MYO9B: variants seen among roughly 807,000 people sequenced by gnomAD.
MYO9B encodes the protein unconventional myosin-IXb.
In MYO9B, 71 loss-of-function variants were observed where a neutral mutation model predicts 229.5. The ratio of observed to expected loss-of-function variants is 0.31; its 90% CI spans 0.26 to 0.38. The LOEUF is 0.38. Among genes scored for constraint, MYO9B ranks in the 10% least tolerant of loss-of-function variants. The probability of loss-of-function intolerance (pLI) is 1.00; values close to 1 mark genes in which losing one functional copy is unlikely to be tolerated. For missense variants in MYO9B, 2,255 were observed against 2,920.5 expected, an observed-to-expected ratio of 0.77 and a Z score of 5.25; for synonymous variants, 1,185 against 1,235.8, an observed-to-expected ratio of 0.96 and a Z score of 0.86.
At chr19:17,131,759 T>G (rs2072199095) in intron 2 of MYO9B, among the ~76,000 whole-genome samples, 1 of 152,216 alleles carries the variant, frequency 6.6e-6, no homozygotes, top group African/African-American at 2.4e-5. Context: ...GAGGCAAGAC[T>G]GCCTCTACGT....
chr19:17,202,112 C>T lies in MYO9B; in HGVS notation c.4663-18C>T, dbSNP rs376107506. On this transcript the variant is annotated intron_variant, in intron 27 of 39. Transcript: ENST00000682292. Reference sequence around the variant, plus strand: ...CCCCTTGCCCAGGCCTGCAGGGTGACGCCTAGCATTCCTACAGAACGGGAA... The same window carrying T: ...CCCCTTGCCCAGGCCTGCAGGGTGATGCCTAGCATTCCTACAGAACGGGAA... 92 of 1,612,880 alleles carry T rather than the reference C, an allele frequency of 5.7e-5. No homozygotes were observed. Among genetic ancestry groups the T allele is most frequent in the African/African-American group, 3.1e-4 (23 of 74,898 alleles).
chr19:17,130,699 G>A (rs764043647), intron 2 of MYO9B, among the ~76,000 whole-genome samples: 1 of 151,640 alleles, frequency 6.6e-6, no homozygotes, highest in Non-Finnish European at 1.5e-5. Flanking sequence ...CAGGAGGATC[G>A]CTTGAACCTG....
chr19:17,204,253 G>A (rs2073137274), intron 30 of MYO9B, among the ~76,000 whole-genome samples: 1 of 151,880 alleles, frequency 6.6e-6, no homozygotes, highest in African/African-American at 2.4e-5. Context: ...CGTCAGCTGG[G>A]TGGCCTGGGA....
At chr19:17,183,641 G>C (rs2072885208) in intron 15 of MYO9B, 188 bp from the exon 16 acceptor site, 14 of 586,110 alleles carry the variant, frequency 2.4e-5, no homozygotes, top group South Asian at 2.1e-4. Flanking sequence ...TCCACAGACA[G>C]TGGCTGAGGC....
At chr19:17,100,451 C>T (rs750799140) in intron 1 of MYO9B, among the ~76,000 whole-genome samples, 2 of 152,160 alleles carry the variant, frequency 1.3e-5, no homozygotes, top group Non-Finnish European at 2.9e-5. Flanking sequence ...CTAGCCTGGG[C>T]GACAGCACGA....
chr19:17,207,077 G>A (rs759782598), intron 34 of MYO9B, 36 bp from the exon 35 acceptor site: 7 of 1,605,866 alleles, frequency 4.4e-6, no homozygotes, highest in Middle Eastern at 2.0e-4. Flanking sequence ...CCCTCCCTCG[G>A]CCCTAGCCAT....
chr19:17,163,521 C>T (rs918387516), intron 10 of MYO9B, among the ~76,000 whole-genome samples: 1 of 152,024 alleles, frequency 6.6e-6, no homozygotes, highest in African/African-American at 2.4e-5. Context: ...GTGCACACTA[C>T]CATGCCTGGC....
intron 2 of MYO9B, among the ~76,000 whole-genome samples, chr19:17,113,771 G>T (rs2057872434): frequency 6.6e-6 from 1 of 152,162 alleles, no homozygotes; most frequent in Non-Finnish European, 1.5e-5. Flanking sequence ...TGGGTCTGCA[G>T]AGCAGCCCAG....
chr19:17,184,048 C>G, intron 16 of MYO9B, 180 bp downstream of exon 16: 2 of 649,636 alleles, frequency 3.1e-6, no homozygotes, highest in Non-Finnish European at 5.2e-6. Context: ...TTATGGGTTT[C>G]CCAGAAGCAG....
chr19:17,145,505 G>C lies in MYO9B; in HGVS notation c.935+14G>C. 1 of 1,611,012 alleles carries C rather than the reference G, an allele frequency of 6.2e-7. No individual in the cohort carries two copies. Among genetic ancestry groups the C allele is most frequent in the Non-Finnish European group, 8.5e-7 (1 of 1,177,248 alleles). ...CATCGTGAGAGGGTGAGGTGTCCCT[G>C]GGGTCCCCACTGGTGGGAGCTGGCC... On this transcript the variant is annotated intron_variant, in intron 3 of 39. Coordinates refer to ENST00000682292, the MANE Select transcript of MYO9B (RefSeq NM_004145.4).
At chr19:17,103,053 CAAAAAAAA>C (rs55897174) in intron 2 of MYO9B, among the ~76,000 whole-genome samples, 2 of 92,172 alleles carry the variant, frequency 2.2e-5, no homozygotes, top group South Asian at 6.6e-4. Flanking sequence ...CCCCTCTCTA[CAAAAAAAA>C]AAAAAAAAAG....
intron 17 of MYO9B, 28 bp from the exon 18 acceptor site, chr19:17,185,893 C>T (rs1447113573): frequency 6.2e-7 from 1 of 1,600,360 alleles, no homozygotes; most frequent in Non-Finnish European, 8.6e-7. Context: ...CCTGATTCAA[C>T]CCAAATGCTT....
intron 2 of MYO9B, among the ~76,000 whole-genome samples, chr19:17,123,457 T>A (rs2057984862): frequency 6.8e-6 from 1 of 147,364 alleles, no homozygotes; most frequent in South Asian, 2.1e-4. Context: ...TGTGTGTGTG[T>A]GTGATGGAGT....
intron 19 of MYO9B, among the ~76,000 whole-genome samples, chr19:17,189,034 A>T (rs1288113419): frequency 6.6e-6 from 1 of 151,234 alleles, no homozygotes; most frequent in Non-Finnish European, 1.5e-5. Flanking sequence ...GGTGGGGCAC[A>T]CCTGTAACCT....
rs764037029 is a variant in MYO9B at position 17,202,188 on chromosome 19, G to A, written c.4721G>A (p.Ser1574Asn). The change falls in exon 28 of 40, where the codon AGC becomes AAC. Residue 1574 changes from serine (S) to asparagine (N), a missense_variant. Coordinates refer to ENST00000682292, the MANE Select transcript of MYO9B (RefSeq NM_004145.4). ...DLMENYQIVV[S>N]NLATERGQKD... ...ATGGAGAACTACCAGATCGTCGTCA[G>A]CAACCTGGCCACTGAGCGTGGCCAG... The A allele has an allele frequency of 1.9e-6, 3 of 1,613,498 alleles. No individual in the cohort carries two copies. Among genetic ancestry groups the A allele is most frequent in the African/African-American group, 2.7e-5 (2 of 74,900 alleles).
At chr19:17,199,138 GC>G (rs1568298726) in intron 24 of MYO9B, among the ~76,000 whole-genome samples, 1 of 152,100 alleles carries the variant, frequency 6.6e-6, no homozygotes, top group African/African-American at 2.4e-5. Context: ...AAGAGATCAA[GC>G]CTGCAGTGAA....
At chr19:17,094,015 T>TTGTTGTTGTTGTTG (rs2057664603) in intron 1 of MYO9B, among the ~76,000 whole-genome samples, 1 of 148,514 alleles carries the variant, frequency 6.7e-6, no homozygotes, top group Non-Finnish European at 1.5e-5. Flanking sequence ...TGCAGCTGGC[T>TTGTTGTTGTTGTTG]TTGTTGTTGT....
At chr19:17,076,726 G>A (rs565805821) in intron 1 of MYO9B, among the ~76,000 whole-genome samples, 5 of 152,264 alleles carry the variant, frequency 3.3e-5, no homozygotes, top group South Asian at 2.1e-4. Context: ...GGACTAGCAG[G>A]ATTCTGGGAT....
At chr19:17,129,243 T>C (rs2072164104) in intron 2 of MYO9B, among the ~76,000 whole-genome samples, 1 of 151,964 alleles carries the variant, frequency 6.6e-6, no homozygotes, top group Non-Finnish European at 1.5e-5. Context: ...CTACTACAAA[T>C]ACAATAAAAT....
Sources: allele counts gnomAD v4.1 joint callset (sites outside exome capture counted in the v4.1 genomes callset), GRCh38; gene constraint gnomAD v4.1.1; transcripts MANE v1.5; gene names NCBI Gene and HGNC (gene_info 2026-07-23, HGNC 2026-07-21).